The following OPCML variants were observed in gnomAD, a reference collection of about 807,000 sequenced individuals.
OPCML encodes the protein opioid binding protein/cell adhesion molecule like.
OPCML carries 13 observed loss-of-function variants against 37.8 expected under a neutral mutation model. That is an observed-to-expected ratio of 0.34 (90% CI 0.22 to 0.55). The LOEUF is 0.55. Among genes scored for constraint, OPCML ranks in the 20% least tolerant of loss-of-function variants. OPCML has a pLI of 0.91. For synonymous variants in OPCML, 176 were observed against 168.8 expected (o/e 1.04, Z -0.33); for missense variants, 341 against 435.6 (o/e 0.78, Z 1.93).
intron 1 of OPCML, among the ~76,000 whole-genome samples, chr11:133,423,790 G>T (rs1945943726): frequency 2.6e-5 from 4 of 152,112 alleles, no homozygotes. Context: ...AAGTGGCTTG[G>T]CATGCTCTCC....
At chr11:133,061,378 T>C (rs1948338476) in intron 1 of OPCML, among the ~76,000 whole-genome samples, 1 of 152,198 alleles carries the variant, frequency 6.6e-6, no homozygotes, top group Non-Finnish European at 1.5e-5. Flanking sequence ...TGGATGTGTT[T>C]TGCTTCCTCA....
intron 1 of OPCML, among the ~76,000 whole-genome samples, chr11:133,321,478 A>T (rs1943328829): frequency 1.3e-5 from 2 of 151,808 alleles, no homozygotes; most frequent in Non-Finnish European, 2.9e-5. Flanking sequence ...GGGGGGACAG[A>T]CCTCCTCTTG....
At chr11:133,446,435 T>C (rs1404759906) in intron 1 of OPCML, among the ~76,000 whole-genome samples, 1 of 152,180 alleles carries the variant, frequency 6.6e-6, no homozygotes, top group African/African-American at 2.4e-5. Context: ...TTTATTTTAT[T>C]CTTTTTAGAG....
chr11:132,838,460 T>A (rs1446414622), intron 2 of OPCML, among the ~76,000 whole-genome samples: 3 of 152,124 alleles, frequency 2.0e-5, no homozygotes, highest in Non-Finnish European at 4.4e-5. Context: ...ATGACACAGA[T>A]CCTGCCTACA....
intron 2 of OPCML, among the ~76,000 whole-genome samples, chr11:132,675,992 G>C (rs1280111989): frequency 6.6e-6 from 1 of 152,040 alleles, no homozygotes; most frequent in Admixed American, 6.6e-5. Flanking sequence ...ACACAATCTT[G>C]TAAAAGGAGA....
chr11:132,530,922 A>G (rs1425917929), intron 3 of OPCML, among the ~76,000 whole-genome samples: 1 of 152,084 alleles, frequency 6.6e-6, no homozygotes, highest in Non-Finnish European at 1.5e-5. Flanking sequence ...TTCAAAGGGT[A>G]CCCCAACATC....
At chr11:133,098,164 T>C (rs1228911331) in intron 1 of OPCML, among the ~76,000 whole-genome samples, 3 of 151,344 alleles carry the variant, frequency 2.0e-5, no homozygotes, top group Non-Finnish European at 4.4e-5. Context: ...GAAAGAAATA[T>C]ACGCTGCTAC....
At chr11:133,236,633 A>T (rs1447783505) in intron 1 of OPCML, among the ~76,000 whole-genome samples, 1 of 152,240 alleles carries the variant, frequency 6.6e-6, no homozygotes, top group African/African-American at 2.4e-5. Flanking sequence ...AATGTATGTT[A>T]TGTTCTTAGC....
intron 1 of OPCML, among the ~76,000 whole-genome samples, chr11:133,141,052 G>GAAGAAGA (rs1949810593): frequency 1.7e-5 from 1 of 58,386 alleles, no homozygotes; most frequent in African/African-American, 4.7e-5. Context: ...CGACGACGAA[G>GAAGAAGA]AAGAAGAAGA....
intron 2 of OPCML, among the ~76,000 whole-genome samples, chr11:132,872,721 G>A (rs771244917): frequency 3.9e-5 from 6 of 152,052 alleles, no homozygotes; most frequent in Admixed American, 2.0e-4. Flanking sequence ...GCTTTTCTTC[G>A]GTGTTAAACT....
intron 1 of OPCML, among the ~76,000 whole-genome samples, chr11:133,194,101 A>C (rs1372591392): frequency 6.6e-6 from 1 of 152,062 alleles, no homozygotes; most frequent in Non-Finnish European, 1.5e-5. Flanking sequence ...GGGAGAAGCT[A>C]ATATACCTTG....
intron 4 of OPCML, among the ~76,000 whole-genome samples, chr11:132,508,846 A>T (rs1323390598): frequency 6.6e-6 from 1 of 152,184 alleles, no homozygotes; most frequent in Non-Finnish European, 1.5e-5. Flanking sequence ...GCAGCGTGAA[A>T]ATGGACTAAT....
chr11:132,518,329 T>C (rs1348684289), intron 4 of OPCML, among the ~76,000 whole-genome samples: 1 of 152,178 alleles, frequency 6.6e-6, no homozygotes, highest in Non-Finnish European at 1.5e-5. Context: ...ATGCAGTGTT[T>C]GGTTTTCTGT....
rs1458297933 is a variant in OPCML at position 133,327,173 on chromosome 11, G to C, written c.61+205091C>G. Among the ~76,000 whole-genome samples the C allele has an allele frequency of 2.1e-4, 31 of 149,530 alleles. No homozygotes were observed. The Middle Eastern group carries it at 0.018, about 86-fold the overall frequency. ...ATGTGGGTGTGGGTGTGTGTAGTGT[G>C]TGTGGGATGTGGGTGGGGTGTGTGT... On this transcript the variant is annotated intron_variant, in intron 1 of 7. Coordinates refer to ENST00000524381, the MANE Select transcript of OPCML (RefSeq NM_001012393.5).
At chr11:132,599,643 G>A (rs979423127) in intron 3 of OPCML, among the ~76,000 whole-genome samples, 15 of 152,096 alleles carry the variant, frequency 9.9e-5, no homozygotes, top group African/African-American at 3.1e-4. Context: ...AAGAAGCCCC[G>A]AGTGCCTACA....
intron 3 of OPCML, among the ~76,000 whole-genome samples, chr11:132,561,090 C>T (rs1174458192): frequency 6.6e-6 from 1 of 152,182 alleles, no homozygotes; most frequent in Non-Finnish European, 1.5e-5. Flanking sequence ...TCAATTTAGA[C>T]TTCTCCTAAC....
At chr11:132,460,256 T>C (rs1177239902) in intron 4 of OPCML, among the ~76,000 whole-genome samples, 3 of 151,986 alleles carry the variant, frequency 2.0e-5, no homozygotes, top group Non-Finnish European at 4.4e-5. Context: ...CAGTGAGGAA[T>C]GCAATGACTG....
At chr11:133,514,931 T>C (rs1948233533) in intron 1 of OPCML, among the ~76,000 whole-genome samples, 1 of 152,210 alleles carries the variant, frequency 6.6e-6, no homozygotes, top group Non-Finnish European at 1.5e-5. Context: ...GCAGCTATGG[T>C]GCAAGCCTTC....
intron 1 of OPCML, among the ~76,000 whole-genome samples, chr11:133,023,826 G>T (rs2136907464): frequency 1.3e-5 from 2 of 152,340 alleles, no homozygotes; most frequent in Middle Eastern, 3.4e-3. Flanking sequence ...CTGACTCATA[G>T]TGATGGACTC....
Sources: allele counts gnomAD v4.1 joint callset (sites outside exome capture counted in the v4.1 genomes callset), GRCh38; gene constraint gnomAD v4.1.1; transcripts MANE v1.5; gene names NCBI Gene and HGNC (gene_info 2026-07-23, HGNC 2026-07-21).